The following PSMD3 variants were observed in gnomAD, a reference collection of about 807,000 sequenced individuals.
PSMD3 encodes proteasome 26S subunit, non-ATPase 3, also known as 26S proteasome non-ATPase regulatory subunit 3.
A neutral mutation model predicts 62.8 loss-of-function variants in PSMD3; 5 were observed. The observed-to-expected ratio is 0.08, with a 90% CI of 0.04 to 0.17. PSMD3 has a LOEUF of 0.17. Among genes scored for constraint, PSMD3 ranks in the 10% least tolerant of loss-of-function variants. PSMD3 has a pLI of 1.00. For synonymous variants in PSMD3, 265 were observed against 283.9 expected, an observed-to-expected ratio of 0.93 and a Z score of 0.67; for missense variants, 524 against 713.6, an observed-to-expected ratio of 0.73 and a Z score of 3.03.
intron 1 of PSMD3, among the ~76,000 whole-genome samples, chr17:39,983,506 CTT>C (rs1980437131): frequency 6.6e-6 from 1 of 152,160 alleles, no homozygotes; most frequent in Non-Finnish European, 1.5e-5. Context: ...CATTATATCT[CTT>C]AACCATTTAT....
chr17:39,988,488 G>A (rs1980578307), intron 3 of PSMD3, among the ~76,000 whole-genome samples, 195 bp from the exon 4 acceptor site: 1 of 152,178 alleles, frequency 6.6e-6, no homozygotes. Flanking sequence ...TCAGCTGACG[G>A]GCACCTGGGT....
chr17:39,986,816 A>C (rs759174370), intron 3 of PSMD3, 104 bp downstream of exon 3: 624 of 1,424,888 alleles, frequency 4.4e-4, no homozygotes, highest in Admixed American at 6.8e-4. Context: ...ATTGATTCTT[A>C]AGAACTGTCC....
In PSMD3 at chr17:39,995,616, G is replaced by A; in HGVS notation, c.1320+89G>A. 1 of 1,291,540 alleles carries A rather than the reference G, an allele frequency of 7.7e-7. No individual in the cohort carries two copies. The highest frequency in any genetic ancestry group is 1.5e-5 in the African/African-American group (1 of 68,262). The allele number at this position is 1,291,540 out of a possible 1,614,324, so 80.0% of individuals were successfully genotyped here. A position where few individuals can be genotyped will look rare whatever the true frequency, so the allele number is the denominator to read the frequency against. On this transcript the variant is annotated intron_variant, in intron 9 of 11. Transcript: ENST00000264639. The surrounding 1 kb of genome is among the most constrained non-coding windows in gnomAD (Gnocchi z 4.1). ...GAGTGGGAGGAGTTTGGCCAAGGAG[G>A]GGAATAGGTAAAGCAATGGCATAGT...
chr17:39,981,395 C>T (rs1322273822), intron 1 of PSMD3, among the ~76,000 whole-genome samples: 1 of 152,218 alleles, frequency 6.6e-6, no homozygotes, highest in African/African-American at 2.4e-5. Context: ...CACTCCCCTC[C>T]CATCCCCTCC....
Position 39,995,831 on chromosome 17 carries a change from G to A in PSMD3, c.1320+304G>A, listed in dbSNP as rs889215853. On this transcript the variant is annotated intron_variant, in intron 9 of 11. Coordinates refer to ENST00000264639, the MANE Select transcript of PSMD3 (RefSeq NM_002809.4). The surrounding 1 kb of genome is among the most constrained non-coding windows in gnomAD (Gnocchi z 4.1). ...ATGTTCTCTGACTTAGAAGATGGGC[G>A]TGCTGGGCCAGGCGCAGTGGCTCAT... is the stretch of plus-strand genomic sequence containing the variant. 6.1e-6 allele frequency: 3 copies of A among 491,834 alleles called. No individual in the cohort carries two copies. The highest frequency in any genetic ancestry group is 3.9e-5 in the African/African-American group (2 of 51,396). The allele number at this position is 491,834 out of a possible 1,614,324, so 30.5% of individuals were successfully genotyped here. A position where few individuals can be genotyped will look rare whatever the true frequency, so the allele number is the denominator to read the frequency against.
Position 39,984,453 on chromosome 17 carries a change from C to G in PSMD3, c.380C>G (p.Thr127Ser), listed in dbSNP as rs747041143. 4 of 1,612,696 alleles carry G rather than the reference C, an allele frequency of 2.5e-6. No homozygotes were observed. Among genetic ancestry groups the G allele is most frequent in the Admixed American group, 3.3e-5 (2 of 59,968 alleles). The change falls in exon 2 of 12, where the codon ACT (threonine) becomes AGT (serine). Residue 127 changes from threonine (T) to serine (S), a missense_variant. By Grantham distance (58) the Thr-to-Ser change is moderately conservative (BLOSUM62 1). Around this residue, in one of 4 missense-constraint regions of PSMD3, gnomAD observed 396 missense variants for 475.8 expected, o/e 0.83. Transcript: ENST00000264639. ...VQGFFTSNNATRDFLLPFLEE... is the reference protein window; with the variant it reads ...VQGFFTSNNASRDFLLPFLEE... The stretch of plus-strand genomic sequence containing the variant: ...GGCTTCTTCACTTCAAATAATGCCA[C>G]TCGAGACTTTTTGCTCCCCTTCCTG...
intron 3 of PSMD3, 22 bp downstream of exon 3, chr17:39,986,734 C>T (rs779139705): frequency 7.4e-6 from 12 of 1,612,846 alleles, no homozygotes; most frequent in African/African-American, 4.0e-5. Flanking sequence ...GCAGTGAGAG[C>T]GATTCATAAG....
At chr17:39,993,540 C>G (rs1157307380) in intron 6 of PSMD3, 2 of 152,414 alleles carry the variant, frequency 1.3e-5, no homozygotes, top group African/African-American at 2.4e-5. Context: ...GGGATCATCT[C>G]TGACTCTCCC....
chr17:39,989,657 G>A (rs993598798), intron 4 of PSMD3, 82 bp from the exon 5 acceptor site: 6 of 1,330,390 alleles, frequency 4.5e-6, no homozygotes, highest in Non-Finnish European at 1.0e-6. Flanking sequence ...CTTTTTTAAG[G>A]AATTGAGAAA....
intron 3 of PSMD3, among the ~76,000 whole-genome samples, chr17:39,986,996 A>G (rs893941780): frequency 8.5e-5 from 13 of 152,308 alleles, no homozygotes; most frequent in African/African-American, 2.6e-4. Context: ...GGAGACAGAA[A>G]GACCTGGGTT....
At chr17:39,989,315 C>T (rs1598313251) in intron 4 of PSMD3, among the ~76,000 whole-genome samples, 1 of 152,226 alleles carries the variant, frequency 6.6e-6, no homozygotes, top group Non-Finnish European at 1.5e-5. Flanking sequence ...GGCTGCCCCT[C>T]TGTCCAGAAC....
intron 1 of PSMD3, among the ~76,000 whole-genome samples, chr17:39,981,692 A>G (rs1237578858): frequency 6.6e-6 from 1 of 152,142 alleles, no homozygotes; most frequent in East Asian, 1.9e-4. Context: ...TCGACCTAGT[A>G]TCTTGTTTCC....
In PSMD3 at chr17:39,980,848, A is replaced by T; in HGVS notation, c.-123A>T. The T allele has an allele frequency of 1.1e-6, 1 of 902,610 alleles. No individual in the cohort carries two copies. The highest frequency in any genetic ancestry group is 1.6e-6 in the Non-Finnish European group (1 of 628,502). The allele number at this position is 902,610 out of a possible 1,614,324, so 55.9% of individuals were successfully genotyped here. ...GGAAGGGGTTTGCAGCTGCTCCGTC[A>T]TCGTGCGGCCCGACGCTATCTCGCG... is the stretch of plus-strand genomic sequence containing the variant. On this transcript the variant is annotated 5_prime_UTR_variant, in exon 1 of 12. Coordinates refer to ENST00000264639, the MANE Select transcript of PSMD3 (RefSeq NM_002809.4).
At chr17:39,983,279 T>A (rs1980431768) in intron 1 of PSMD3, among the ~76,000 whole-genome samples, 1 of 152,236 alleles carries the variant, frequency 6.6e-6, no homozygotes, top group Admixed American at 6.5e-5. Context: ...TGATCCGCCC[T>A]CCTCAGCCTC....
intron 1 of PSMD3, 46 bp from the exon 2 acceptor site, chr17:39,984,248 G>A: frequency 1.4e-6 from 2 of 1,389,324 alleles, no homozygotes; most frequent in South Asian, 2.6e-5. Context: ...AGTGGTGGGG[G>A]ACTAGGAGTG....
rs763287296 is a variant in PSMD3, at chr17:39,996,132, AAAAG to A, written c.1321-48_1321-45del. The stretch of plus-strand genomic sequence containing the variant: ...CGAGACTCCATCTCAAAAAAAAAAA[AAAAG>A]AAGAAGCTGGGTGTGCTGGTGAACT... On this transcript the variant is annotated intron_variant, in intron 9 of 11. Coordinates refer to ENST00000264639, the MANE Select transcript of PSMD3 (RefSeq NM_002809.4). The surrounding 1 kb of genome is among the most constrained non-coding windows in gnomAD (Gnocchi z 5.1). 475 of 1,605,222 alleles carry A rather than the reference AAAAG, an allele frequency of 3.0e-4. No individual in the cohort carries two copies. The highest frequency in any genetic ancestry group is 1.9e-3 in the East Asian group (84 of 44,804).
In PSMD3 at chr17:39,995,848, G is replaced by A. The variant is rs1980769384; in HGVS notation, c.1320+321G>A. 3 of 483,656 alleles carry A rather than the reference G, an allele frequency of 6.2e-6. No homozygotes were observed. The East Asian group carries it at 1.2e-4, about 20-fold the overall frequency. 30.0% of individuals were successfully genotyped at this position (483,656 alleles called of 1,614,324 possible). ...AGATGGGCGTGCTGGGCCAGGCGCA[G>A]TGGCTCATGCCTGTAATCCCAGCAC... On this transcript the variant is annotated intron_variant, in intron 9 of 11. Transcript: ENST00000264639. This position sits in a 1 kb window ranked among gnomAD's most constrained non-coding sequence, Gnocchi z 4.1.
Position 39,995,674 on chromosome 17 carries a change from G to T in PSMD3, c.1320+147G>T. 1 of 776,332 alleles carries T rather than the reference G, an allele frequency of 1.3e-6. No homozygotes were observed. 48.1% of individuals were successfully genotyped at this position (776,332 alleles called of 1,614,324 possible). A position where few individuals can be genotyped will look rare whatever the true frequency, so the allele number is the denominator to read the frequency against. On this transcript the variant is annotated intron_variant, in intron 9 of 11. Transcript: ENST00000264639. The surrounding 1 kb of genome is among the most constrained non-coding windows in gnomAD (Gnocchi z 4.1). ...GGGCGTGCCCGTCATTTGCAGTGAA[G>T]CCAAGAAGTTGCCAGAGAGAGCATG...
rs775807136 is a variant in PSMD3 at position 39,984,475 on chromosome 17, C to G, written c.402C>G (p.Phe134Leu). Reference protein sequence around the residue: ...NNATRDFLLPFLEEPMDTEAD... With the variant: ...NNATRDFLLPLLEEPMDTEAD... ...CCACTCGAGACTTTTTGCTCCCCTT[C>G]CTGGAAGAGGTGAGTGAGTCAGGCC... The change falls in exon 2 of 12, where the codon TTC (phenylalanine) becomes TTG (leucine). Residue 134 changes from phenylalanine to leucine, a missense_variant. Physicochemically the swap from Phe to Leu is conservative, Grantham distance 22 (BLOSUM62 0). Coordinates refer to ENST00000264639, the MANE Select transcript of PSMD3 (RefSeq NM_002809.4). 1 of 1,611,246 alleles carries G rather than the reference C, an allele frequency of 6.2e-7. No individual in the cohort carries two copies. The highest frequency in any genetic ancestry group is 2.2e-5 in the East Asian group (1 of 44,790).
Sources: allele counts gnomAD v4.1 joint callset (sites outside exome capture counted in the v4.1 genomes callset), GRCh38; gene constraint gnomAD v4.1.1; regional missense constraint gnomAD v4.1.1; non-coding constraint Gnocchi (gnomAD v3.1); transcripts MANE v1.5; gene names NCBI Gene and HGNC (gene_info 2026-07-23, HGNC 2026-07-21).